Variants in HIP1 observed in about 807,000 individuals in gnomAD.
HIP1 encodes huntingtin interacting protein 1, also known as huntingtin-interacting protein 1.
HIP1 carries 65 observed loss-of-function variants against 147.6 expected under a neutral mutation model. The observed-to-expected ratio is 0.44, with a 90% CI of 0.36 to 0.54. The LOEUF (loss-of-function observed/expected upper bound fraction) is 0.54, where lower values mean the gene tolerates loss of function less well. Among genes scored for constraint, HIP1 ranks in the 20% least tolerant of loss-of-function variants. The pLI is 0.00. For missense variants in HIP1, 1,061 were observed against 1,299.6 expected (o/e 0.82, Z 2.82); for synonymous variants, 479 against 504.0 (o/e 0.95, Z 0.67).
chr7:75,565,083 T>C lies in HIP1; in HGVS notation c.804-1820A>G, dbSNP rs927298318. Among the ~76,000 whole-genome samples the C allele has an allele frequency of 2.0e-5, 3 of 152,148 alleles. No homozygotes were observed. In the South Asian group the frequency reaches 6.2e-4, roughly 32 times the overall value. On this transcript the variant is annotated intron_variant, in intron 9 of 30. Transcript: ENST00000336926. ...AGGGGTACATGGGCCTTAAATCCTT[T>C]GGCCTGCAACAATGAACTTTCTCCA...
chr7:75,697,176 G>A (rs925552749), intron 1 of HIP1, among the ~76,000 whole-genome samples: 7 of 152,236 alleles, frequency 4.6e-5, no homozygotes, highest in African/African-American at 9.6e-5. Context: ...CTGCAAGGTC[G>A]TCTTTATCGT....
chr7:75,647,294 A>G (rs1229801162), intron 1 of HIP1, among the ~76,000 whole-genome samples: 1 of 148,050 alleles, frequency 6.8e-6, no homozygotes, highest in Non-Finnish European at 1.5e-5. Flanking sequence ...GCTACACGGG[A>G]GACTGAGGCA....
intron 1 of HIP1, among the ~76,000 whole-genome samples, chr7:75,631,924 G>A (rs138777217): frequency 9.1e-4 from 138 of 152,184 alleles, no homozygotes; most frequent in African/African-American, 3.1e-3. Flanking sequence ...GCAGGAAATG[G>A]GGAAGTGGGA....
chr7:75,589,017 G>T (rs1796382285), intron 4 of HIP1, among the ~76,000 whole-genome samples: 1 of 151,964 alleles, frequency 6.6e-6, no homozygotes, highest in South Asian at 2.1e-4. Flanking sequence ...GGGCGTGGTG[G>T]CACATGCCTG....
intron 1 of HIP1, among the ~76,000 whole-genome samples, chr7:75,605,339 G>A (rs1262397884): frequency 6.6e-6 from 1 of 152,152 alleles, no homozygotes; most frequent in Non-Finnish European, 1.5e-5. Context: ...GAAGGGCATG[G>A]AGCATGCAGC....
At chr7:75,644,255 C>T (rs1212982386) in intron 1 of HIP1, among the ~76,000 whole-genome samples, 1 of 152,166 alleles carries the variant, frequency 6.6e-6, no homozygotes, top group East Asian at 1.9e-4. Flanking sequence ...TGTCTCTCAG[C>T]TTACTTGGTG....
chr7:75,706,561 G>T (rs1019069768), intron 1 of HIP1, among the ~76,000 whole-genome samples: 3 of 138,508 alleles, frequency 2.2e-5, no homozygotes, highest in Non-Finnish European at 4.5e-5. Flanking sequence ...TGTGCACAAC[G>T]TGCAAGTTTG....
At chr7:75,702,877 C>T (rs1198278496) in intron 1 of HIP1, among the ~76,000 whole-genome samples, 5 of 152,130 alleles carry the variant, frequency 3.3e-5, no homozygotes, top group African/African-American at 9.7e-5. Context: ...ATCCCCACCC[C>T]GCAGGGATGG....
chr7:75,623,999 C>T (rs1401179988), intron 1 of HIP1, among the ~76,000 whole-genome samples: 4 of 152,092 alleles, frequency 2.6e-5, no homozygotes, highest in African/African-American at 4.8e-5. Context: ...GAGGATCACT[C>T]GAGCTCTGAA....
intron 1 of HIP1, chr7:75,639,268 A>AG (rs1798557943): frequency 1.7e-4 from 1 of 5,816 alleles, no homozygotes; most frequent in African/African-American, 7.4e-4. Context: ...GGAGGCGGCG[A>AG]GGGGGAGGGG....
In HIP1 at chr7:75,706,623, ATTT is replaced by A. The variant is rs71082342; in HGVS notation, c.120+32175_120+32177del. ...GGTTTCCTACACCCATCAACTCGTCATTTTTTTTTTTTTTTTTTTTTATTATAC... is the reference window on the plus strand; with the variant it reads ...GGTTTCCTACACCCATCAACTCGTCATTTTTTTTTTTTTTTTTTATTATAC... On this transcript the variant is annotated intron_variant, in intron 1 of 30. Transcript: ENST00000336926. Among the ~76,000 whole-genome samples the A allele has an allele frequency of 4.1e-3, 422 of 103,606 alleles. 3 individuals carry two copies. Among genetic ancestry groups the A allele is most frequent in the African/African-American group, 0.015 (390 of 25,358 alleles). 68.0% of individuals were successfully genotyped at this position (103,606 alleles called of 152,430 possible). A position where few individuals can be genotyped will look rare whatever the true frequency, so the allele number is the denominator to read the frequency against.
intron 1 of HIP1, among the ~76,000 whole-genome samples, chr7:75,630,024 G>A (rs1461306684): frequency 1.3e-5 from 2 of 152,130 alleles, no homozygotes; most frequent in Non-Finnish European, 2.9e-5. Context: ...TGGGCATGGT[G>A]GCATGCACCT....
At chr7:75,650,726 G>A (rs1328011406) in intron 1 of HIP1, among the ~76,000 whole-genome samples, 5 of 152,110 alleles carry the variant, frequency 3.3e-5, no homozygotes, top group Non-Finnish European at 5.9e-5. Flanking sequence ...CACCATACCC[G>A]GCTCTGCCCA....
At chr7:75,664,597 GAGA>G (rs1389668414) in intron 1 of HIP1, among the ~76,000 whole-genome samples, 4 of 129,120 alleles carry the variant, frequency 3.1e-5, no homozygotes, top group South Asian at 5.2e-4. Flanking sequence ...TATGTATAGG[GAGA>G]GAGAGAGAGA....
chr7:75,580,689 G>A (rs918160870), intron 7 of HIP1, among the ~76,000 whole-genome samples: 38 of 152,016 alleles, frequency 2.5e-4, no homozygotes, highest in Admixed American at 2.2e-3. Flanking sequence ...GCAGTGAGCC[G>A]TAACATGCCA....
chr7:75,566,067 C>T lies in HIP1; in HGVS notation c.803+2132G>A, dbSNP rs893177770. ...GTTTTGAGATGGAATCTCATTCTGA[C>T]GCCCAGGCCTGAGTGCAGTGATGTG... On this transcript the variant is annotated intron_variant, in intron 9 of 30. Transcript: ENST00000336926. 3.3e-5 allele frequency among the ~76,000 whole-genome samples: 5 copies of T among 150,330 alleles called. 1 individual carries two copies. The highest frequency in any genetic ancestry group is 7.5e-5 in the African/African-American group (3 of 40,104).
intron 1 of HIP1, among the ~76,000 whole-genome samples, chr7:75,623,240 C>T (rs587704992): frequency 1.3e-4 from 19 of 150,696 alleles, no homozygotes; most frequent in African/African-American, 2.0e-4. Context: ...GGCTCTCCCC[C>T]TCTGATGGTA....
chr7:75,547,312 G>T (rs1335788833), intron 24 of HIP1, among the ~76,000 whole-genome samples: 1 of 152,196 alleles, frequency 6.6e-6, no homozygotes, highest in Admixed American at 6.5e-5. Flanking sequence ...CTGTCGCCCA[G>T]GCTAGAGTGC....
chr7:75,714,558 TTCTCCTGCCTCAG>T (rs1389005939), intron 1 of HIP1, among the ~76,000 whole-genome samples: 3 of 151,150 alleles, frequency 2.0e-5, no homozygotes, highest in Non-Finnish European at 2.9e-5. Flanking sequence ...GCTCAAGCAA[TTCTCCTGCCTCAG>T]CCTCCCGAGT....
Sources: gnomAD v4.1 joint callset for allele counts (sites outside exome capture counted in the v4.1 genomes callset) on GRCh38, gnomAD v4.1.1 for gene constraint, MANE v1.5 for transcripts, NCBI Gene and HGNC (gene_info 2026-07-23, HGNC 2026-07-21) for gene names.